Variants in PCDHGA5 observed in about 807,000 individuals in gnomAD.
PCDHGA5 encodes the protein protocadherin gamma subfamily A, 5, also known as protocadherin gamma-A5.
Under a neutral mutation model 56.7 loss-of-function variants are expected in PCDHGA5, and 36 were observed. That is an observed-to-expected ratio of 0.64 (90% CI 0.49 to 0.84). The LOEUF (loss-of-function observed/expected upper bound fraction) is 0.84, where lower values mean the gene tolerates loss of function less well. PCDHGA5 is among the 40% of genes least tolerant of loss of function. The probability of loss-of-function intolerance (pLI) is 0.00; values close to 1 mark genes in which losing one functional copy is unlikely to be tolerated. For missense variants in PCDHGA5, 1,305 were observed against 1,201.5 expected (o/e 1.09, Z -1.27); for synonymous variants, 563 against 520.2 (o/e 1.08, Z -1.12).
At chr5:141,418,891 C>T in intron 1 of PCDHGA5, 2 of 1,613,842 alleles carry the variant, frequency 1.2e-6, no homozygotes, top group South Asian at 2.2e-5. Flanking sequence ...ACGACAACAG[C>T]CCAGAAATAA....
At chr5:141,475,832 T>G in intron 1 of PCDHGA5, 1 of 410,610 alleles carries the variant, frequency 2.4e-6, no homozygotes, top group Non-Finnish European at 4.4e-6. Flanking sequence ...CTAGCGCGTG[T>G]CCTGCTCAGA....
chr5:141,494,977 T>C, intron 2 of PCDHGA5, 112 bp downstream of exon 2: 1 of 1,574,332 alleles, frequency 6.4e-7, no homozygotes, highest in East Asian at 2.3e-5. Context: ...TCTCCCTCAG[T>C]TTGAGATCCC....
At chr5:141,390,515 C>T (rs1325813784) in intron 1 of PCDHGA5, 1 of 575,082 alleles carries the variant, frequency 1.7e-6, no homozygotes, top group Middle Eastern at 4.7e-4. Flanking sequence ...ATTTATAAAG[C>T]AATGAGGGTG....
In PCDHGA5 at chr5:141,366,246, A is replaced by G; in HGVS notation, c.1916A>G (p.Lys639Arg). The change falls in exon 1 of 4, where the codon AAG becomes AGG. Residue 639 changes from lysine to arginine, a missense_variant. Coordinates refer to ENST00000518069, the MANE Select transcript of PCDHGA5 (RefSeq NM_018918.3). ...GCCCTGCTGGACAGAGACGCGCTCA[A>G]GCAGAGCCTCGTGGTGGCCGTCGAA... ...ARALLDRDAL[K>R]QSLVVAVEDH... 1 of 1,613,762 alleles carries G rather than the reference A, an allele frequency of 6.2e-7. No individual in the cohort carries two copies. The highest frequency in any genetic ancestry group is 8.5e-7 in the Non-Finnish European group (1 of 1,180,026).
intron 1 of PCDHGA5, chr5:141,372,390 G>GA: frequency 6.2e-7 from 1 of 1,614,044 alleles, no homozygotes; most frequent in Non-Finnish European, 8.5e-7. Context: ...AATCTTCGCA[G>GA]ATAGCTTGCA....
At chr5:141,492,834 G>T (rs544218873) in intron 1 of PCDHGA5, among the ~76,000 whole-genome samples, 36 of 152,332 alleles carry the variant, frequency 2.4e-4, no homozygotes, top group Non-Finnish European at 4.1e-4. Flanking sequence ...CCTTCCTCCC[G>T]CAGGAAGTGA....
At position 141,457,041 on chromosome 5, in the gene PCDHGA5, A is replaced by T. The variant is rs151212070; in HGVS notation, c.2422-37766A>T. On this transcript the variant is annotated intron_variant, in intron 1 of 3. Transcript: ENST00000518069. ...AAGTCCTAGTAGACTCAGTGATAGT[A>T]AAACTTTCATGCTTCCTTTTTGCCA... 2.3e-4 allele frequency among the ~76,000 whole-genome samples: 35 copies of T among 152,360 alleles called. No individual in the cohort carries two copies. In the East Asian group the frequency reaches 6.4e-3, roughly 28 times the overall value.
chr5:141,482,917 C>CA (rs761402624), intron 1 of PCDHGA5, among the ~76,000 whole-genome samples: 5 of 152,042 alleles, frequency 3.3e-5, no homozygotes, highest in Non-Finnish European at 7.4e-5. Context: ...ATTAAAAATA[C>CA]AAAAAATTAG....
chr5:141,402,785 CG>C, intron 1 of PCDHGA5: 1 of 904,572 alleles, frequency 1.1e-6, no homozygotes, highest in South Asian at 2.1e-5. Context: ...TCCAGTTCTG[CG>C]GCTACACAAA....
chr5:141,419,075 A>G, intron 1 of PCDHGA5: 1 of 1,613,968 alleles, frequency 6.2e-7, no homozygotes, highest in Non-Finnish European at 8.5e-7. Context: ...CAAGCTAGTA[A>G]CAGATGAGGC....
chr5:141,400,516 C>T, intron 1 of PCDHGA5: 2 of 1,613,964 alleles, frequency 1.2e-6, no homozygotes, highest in African/African-American at 1.3e-5. Context: ...GACTTCCCAT[C>T]CTGAGTTGGT....
chr5:141,448,669 G>A (rs553283446), intron 1 of PCDHGA5, among the ~76,000 whole-genome samples: 13 of 152,136 alleles, frequency 8.5e-5, no homozygotes, highest in African/African-American at 7.2e-5. Flanking sequence ...GGCCGGGCGC[G>A]GTGGCTCACG....
intron 1 of PCDHGA5, chr5:141,371,795 T>C (rs748704102): frequency 1.2e-6 from 2 of 1,613,908 alleles, no homozygotes; most frequent in Non-Finnish European, 1.7e-6. Flanking sequence ...ACAATCCGCC[T>C]GGAGCCTCCA....
chr5:141,463,041 G>C (rs1383781857), intron 1 of PCDHGA5, among the ~76,000 whole-genome samples: 1 of 152,114 alleles, frequency 6.6e-6, no homozygotes, highest in African/African-American at 2.4e-5. Flanking sequence ...TGAGTGTTCA[G>C]CAGGGTCTCT....
chr5:141,487,109 G>A lies in PCDHGA5; in HGVS notation c.2422-7698G>A. 2 of 1,614,122 alleles carry A rather than the reference G, an allele frequency of 1.2e-6. No homozygotes were observed. Among genetic ancestry groups the A allele is most frequent in the Non-Finnish European group, 1.7e-6 (2 of 1,180,004 alleles). ...CCTCCCACCACAGAAGCTGGTCATTGTGGTAAAGGATAGTGGTAGTCCACC... is the reference window on the plus strand; with the variant it reads ...CCTCCCACCACAGAAGCTGGTCATTATGGTAAAGGATAGTGGTAGTCCACC... On this transcript the variant is annotated intron_variant, in intron 1 of 3. Transcript: ENST00000518069. This position sits in a 1 kb window ranked among gnomAD's most constrained non-coding sequence, Gnocchi z 5.0.
chr5:141,495,839 A>G (rs2099764148), intron 2 of PCDHGA5, among the ~76,000 whole-genome samples: 1 of 150,756 alleles, frequency 6.6e-6, no homozygotes, highest in South Asian at 2.1e-4. Flanking sequence ...CCCAGCCTCT[A>G]TGTTTCTCTG....
chr5:141,389,695 A>G, intron 1 of PCDHGA5: 1 of 1,612,564 alleles, frequency 6.2e-7, no homozygotes, highest in Non-Finnish European at 8.5e-7. Context: ...TGGCTGTCCT[A>G]CCACGTGCTG....
chr5:141,366,212 A>C lies in PCDHGA5; in HGVS notation c.1882A>C (p.Thr628Pro). 6.2e-7 allele frequency: 1 copy of C among 1,613,804 alleles called. No individual in the cohort carries two copies. The highest frequency in any genetic ancestry group is 1.3e-5 in the African/African-American group (1 of 75,080). ...TGGGCTGCACACGGGCGAGGTGCGC[A>C]CAGCGCGAGCCCTGCTGGACAGAGA... ...AVGLHTGEVRTARALLDRDAL... is the reference protein window; with the variant it reads ...AVGLHTGEVRPARALLDRDAL... The change falls in exon 1 of 4, where the codon ACA becomes CCA. Residue 628 changes from threonine to proline, a missense_variant. Coordinates refer to ENST00000518069, the MANE Select transcript of PCDHGA5 (RefSeq NM_018918.3).
At chr5:141,454,941 G>A (rs2098807517) in intron 1 of PCDHGA5, among the ~76,000 whole-genome samples, 1 of 150,970 alleles carries the variant, frequency 6.6e-6, no homozygotes, top group Non-Finnish European at 1.5e-5. Flanking sequence ...CCGAGTAGCT[G>A]GGACTACAGG....
Sources: gnomAD v4.1 joint callset for allele counts (sites outside exome capture counted in the v4.1 genomes callset) on GRCh38, gnomAD v4.1.1 for gene constraint, Gnocchi (gnomAD v3.1) non-coding constraint, MANE v1.5 for transcripts, NCBI Gene and HGNC (gene_info 2026-07-23, HGNC 2026-07-21) for gene names.